Variants in CHL1 observed in about 807,000 individuals in gnomAD.
The protein encoded by CHL1 is neural cell adhesion molecule L1-like protein.
Under a neutral mutation model 141.9 loss-of-function variants are expected in CHL1, and 96 were observed. The ratio of observed to expected loss-of-function variants is 0.68; its 90% CI spans 0.57 to 0.80. The LOEUF is 0.80. Ranked by LOEUF, CHL1 falls within the 30% of genes least tolerant of loss-of-function variation. The pLI is 0.00. For synonymous variants in CHL1, 613 were observed against 502.2 expected (o/e 1.22, Z -2.95); for missense variants, 1,820 against 1,457.2 (o/e 1.25, Z -4.05).
At chr3:290,898 T>C (rs1697628949) in intron 2 of CHL1, among the ~76,000 whole-genome samples, 1 of 146,208 alleles carries the variant, frequency 6.8e-6, no homozygotes, top group South Asian at 2.1e-4. Context: ...AATGTACCAC[T>C]GCACTCCAGC....
chr3:397,764 T>C (rs1708795427), intron 24 of CHL1, among the ~76,000 whole-genome samples: 1 of 152,154 alleles, frequency 6.6e-6, no homozygotes, highest in Non-Finnish European at 1.5e-5. Context: ...AAATATTTAA[T>C]ATATGACCAT....
chr3:388,115 A>T (rs765742721), intron 19 of CHL1, among the ~76,000 whole-genome samples: 3 of 152,252 alleles, frequency 2.0e-5, no homozygotes, highest in Admixed American at 1.3e-4. Context: ...AACTTATTTT[A>T]TATAACTGAT....
rs183213661 is a variant in CHL1 at position 249,388 on chromosome 3, A to G, written c.-95+4696A>G. Among the ~76,000 whole-genome samples, 46 of 152,228 alleles carry G rather than the reference A, an allele frequency of 3.0e-4. No homozygotes were observed. The East Asian group carries it at 8.9e-3, about 29-fold the overall frequency. On this transcript the variant is annotated intron_variant, in intron 2 of 27. Transcript: ENST00000256509. ...ACAACATCCCCACCCTAAAGGAGGG[A>G]AAAAAATCAGAAAGAAGAAAGGGGA...
chr3:332,320 A>G (rs1187806547), intron 5 of CHL1, among the ~76,000 whole-genome samples: 1 of 152,210 alleles, frequency 6.6e-6, no homozygotes, highest in Non-Finnish European at 1.5e-5. Context: ...TTTGATTGGT[A>G]TAATTTTATT....
chr3:290,860 C>T (rs1228853225), intron 2 of CHL1, among the ~76,000 whole-genome samples: 10 of 150,372 alleles, frequency 6.7e-5, no homozygotes, highest in South Asian at 2.1e-4. Context: ...TGCTTGAACC[C>T]GGGAGACAGA....
intron 2 of CHL1, among the ~76,000 whole-genome samples, chr3:250,994 AGC>A (rs1257645840): frequency 3.8e-4 from 58 of 152,156 alleles, no homozygotes; most frequent in Non-Finnish European, 6.8e-4. Context: ...ATCCTCATGA[AGC>A]TTATAATCTT....
chr3:221,747 T>C (rs1049064304), intron 1 of CHL1, among the ~76,000 whole-genome samples: 8 of 152,230 alleles, frequency 5.3e-5, no homozygotes, highest in East Asian at 1.9e-4. Flanking sequence ...GTGCACACCA[T>C]TGAAAAGTTT....
Position 398,403 on chromosome 3 carries a change from ATTT to A in CHL1, c.3253+19_3253+21del, listed in dbSNP as rs758272365. 3 of 1,558,808 alleles carry A rather than the reference ATTT, an allele frequency of 1.9e-6. No individual in the cohort carries two copies. Among genetic ancestry groups the A allele is most frequent in the Non-Finnish European group, 2.7e-6 (3 of 1,131,362 alleles). On this transcript the variant is annotated intron_variant, in intron 25 of 27. Coordinates refer to ENST00000256509, the MANE Select transcript of CHL1 (RefSeq NM_006614.4). ...AGGGAGAGGTGAGAAATGAGATTAT[ATTT>A]GGGGAAGTCTTAGTCAATCTATGTC... is the stretch of plus-strand genomic sequence containing the variant.
rs539443020 is a variant in CHL1, at chr3:322,638, T to C, written c.91+2771T>C. On this transcript the variant is annotated intron_variant, in intron 3 of 27. Transcript: ENST00000256509. ...AGACCTCATCTCTAAATTATATATA[T>C]ATATAAAATATATATATATATATAT... Among the ~76,000 whole-genome samples, 26 of 98,954 alleles carry C rather than the reference T, an allele frequency of 2.6e-4. No individual in the cohort carries two copies. In the South Asian group the frequency reaches 6.9e-3, roughly 26 times the overall value. The allele number at this position is 98,954 out of a possible 152,430, so 64.9% of individuals were successfully genotyped here.
intron 19 of CHL1, chr3:385,827 C>CA (rs3052960): frequency 0.014 from 1,482 of 104,202 alleles, 74 homozygotes; most frequent in South Asian, 0.066. Context: ...GACTCTGTCT[C>CA]AAAAAAAAAA....
At chr3:255,139 T>C (rs1362054107) in intron 2 of CHL1, among the ~76,000 whole-genome samples, 1 of 152,212 alleles carries the variant, frequency 6.6e-6, no homozygotes, top group Non-Finnish European at 1.5e-5. Context: ...TACCCCTTCA[T>C]TCTTAACCTG....
intron 2 of CHL1, among the ~76,000 whole-genome samples, chr3:287,477 A>T (rs2125323792): frequency 6.6e-6 from 1 of 152,250 alleles, no homozygotes; most frequent in South Asian, 2.1e-4. Context: ...TGTTGTAGTT[A>T]TTTTTTACAG....
chr3:327,659 A>ATTGTCTT (rs960350491), intron 4 of CHL1, among the ~76,000 whole-genome samples: 42 of 152,098 alleles, frequency 2.8e-4, no homozygotes, highest in African/African-American at 9.6e-4. Flanking sequence ...AGCTATAAAA[A>ATTGTCTT]TTGTCTTTAG....
At chr3:344,840 G>C in intron 9 of CHL1, 131 bp downstream of exon 9, 6 of 845,250 alleles carry the variant, frequency 7.1e-6, no homozygotes, top group Non-Finnish European at 1.1e-5. Flanking sequence ...ATTCTGCCGG[G>C]CACTGCAGAT....
At chr3:303,516 C>G (rs898071005) in intron 2 of CHL1, among the ~76,000 whole-genome samples, 1 of 152,122 alleles carries the variant, frequency 6.6e-6, no homozygotes, top group Non-Finnish European at 1.5e-5. Flanking sequence ...TGGGAGTTCA[C>G]TCATGATTTG....
At chr3:202,413 C>A (rs1699035587) in intron 1 of CHL1, among the ~76,000 whole-genome samples, 1 of 152,184 alleles carries the variant, frequency 6.6e-6, no homozygotes, top group Non-Finnish European at 1.5e-5. Flanking sequence ...ATTATATGCA[C>A]ATATACCAAT....
chr3:218,408 C>T (rs972257367), intron 1 of CHL1, among the ~76,000 whole-genome samples: 2 of 152,174 alleles, frequency 1.3e-5, no homozygotes, highest in Non-Finnish European at 2.9e-5. Flanking sequence ...GTTTGGATAT[C>T]TTTTTCCTTA....
chr3:240,450 G>T (rs1011093773), intron 1 of CHL1, among the ~76,000 whole-genome samples: 2 of 151,810 alleles, frequency 1.3e-5, no homozygotes, highest in East Asian at 1.9e-4. Flanking sequence ...GGGATTTTTT[G>T]TTTTTTTCTT....
intron 5 of CHL1, among the ~76,000 whole-genome samples, chr3:332,108 C>A (rs1265843713): frequency 1.3e-5 from 2 of 152,102 alleles, no homozygotes; most frequent in African/African-American, 4.8e-5. Context: ...CCATACATAC[C>A]AGGAAGATTT....
Sources: gnomAD v4.1 joint callset for allele counts (sites outside exome capture counted in the v4.1 genomes callset) on GRCh38, gnomAD v4.1.1 for gene constraint, MANE v1.5 for transcripts, NCBI Gene and HGNC (gene_info 2026-07-23, HGNC 2026-07-21) for gene names.